CAMKMT: variants seen among roughly 807,000 people sequenced by gnomAD.
CAMKMT encodes the protein calmodulin-lysine N-methyltransferase.
Under a neutral mutation model 48.0 loss-of-function variants are expected in CAMKMT, and 53 were observed. The observed-to-expected ratio is 1.10, with a 90% CI of 0.89 to 1.39. CAMKMT has a LOEUF of 1.39. CAMKMT is among the 40% of genes most tolerant of loss of function. The pLI, the probability that CAMKMT is intolerant of heterozygous loss-of-function variation, is 0.00. For synonymous variants in CAMKMT, 165 were observed against 152.3 expected (o/e 1.08, Z -0.61); for missense variants, 428 against 402.7 (o/e 1.06, Z -0.54).
intron 3 of CAMKMT, among the ~76,000 whole-genome samples, chr2:44,457,873 G>C (rs1484305626): frequency 6.6e-6 from 1 of 152,088 alleles, no homozygotes; most frequent in Non-Finnish European, 1.5e-5. Context: ...CTCCATGGCT[G>C]CTTGGTGATG....
At chr2:44,472,748 G>A (rs937239911) in intron 3 of CAMKMT, among the ~76,000 whole-genome samples, 2 of 152,126 alleles carry the variant, frequency 1.3e-5, no homozygotes, top group Non-Finnish European at 2.9e-5. Flanking sequence ...CTGGAGTGTG[G>A]TTTTGAACAG....
intron 3 of CAMKMT, among the ~76,000 whole-genome samples, chr2:44,450,494 T>C (rs1667234698): frequency 6.6e-6 from 1 of 152,238 alleles, no homozygotes; most frequent in East Asian, 1.9e-4. Flanking sequence ...TTAAAAGGGG[T>C]TATGAAGCAT....
chr2:44,559,032 C>T (rs147456407), intron 3 of CAMKMT, among the ~76,000 whole-genome samples: 506 of 152,166 alleles, frequency 3.3e-3, no homozygotes, highest in African/African-American at 0.011. Context: ...ATCTGTCTAT[C>T]TAACTATCTA....
chr2:44,577,656 AGAGAGG>A (rs1454610487), intron 3 of CAMKMT, among the ~76,000 whole-genome samples: 1 of 142,052 alleles, frequency 7.0e-6, no homozygotes, highest in East Asian at 2.0e-4. Context: ...GGAGGGGGAG[AGAGAGG>A]GAGAGGGAGA....
intron 3 of CAMKMT, among the ~76,000 whole-genome samples, chr2:44,414,939 A>G (rs1018119090): frequency 1.3e-5 from 2 of 152,200 alleles, no homozygotes; most frequent in African/African-American, 4.8e-5. Flanking sequence ...GCGGATCACG[A>G]GGTCAAGAGA....
intron 3 of CAMKMT, among the ~76,000 whole-genome samples, chr2:44,697,896 A>G (rs944881818): frequency 6.6e-6 from 1 of 152,162 alleles, no homozygotes; most frequent in Non-Finnish European, 1.5e-5. Context: ...AATTACCAGA[A>G]GAGTTAGCTA....
At chr2:44,712,840 T>C (rs763994849) in intron 6 of CAMKMT, among the ~76,000 whole-genome samples, 3 of 152,070 alleles carry the variant, frequency 2.0e-5, no homozygotes, top group South Asian at 2.1e-4. Flanking sequence ...AATGATAAAA[T>C]CTATTATTGG....
intron 3 of CAMKMT, among the ~76,000 whole-genome samples, chr2:44,483,025 C>G (rs1216374557): frequency 6.6e-6 from 1 of 152,088 alleles, no homozygotes; most frequent in Non-Finnish European, 1.5e-5. Context: ...TGAGTGCTGT[C>G]CAATGGAATC....
chr2:44,594,758 A>T (rs1267956757), intron 3 of CAMKMT, among the ~76,000 whole-genome samples: 2 of 152,252 alleles, frequency 1.3e-5, no homozygotes, highest in East Asian at 3.8e-4. Context: ...ATGGGCAAAG[A>T]CTTTATGACT....
At chr2:44,768,361 A>ATTTTTTT (rs1553448674) in intron 10 of CAMKMT, among the ~76,000 whole-genome samples, 9 of 115,720 alleles carry the variant, frequency 7.8e-5, no homozygotes, top group African/African-American at 3.0e-4. Flanking sequence ...ATATATATAT[A>ATTTTTTT]TTTTTTTTTT....
intron 3 of CAMKMT, among the ~76,000 whole-genome samples, chr2:44,400,221 C>G (rs554933583): frequency 1.2e-4 from 18 of 152,012 alleles, no homozygotes; most frequent in Non-Finnish European, 2.2e-4. Context: ...GCCCTATAAA[C>G]TAATAGAAAC....
chr2:44,508,647 C>T (rs1169326406), intron 3 of CAMKMT, among the ~76,000 whole-genome samples: 1 of 152,014 alleles, frequency 6.6e-6, no homozygotes, highest in African/African-American at 2.4e-5. Flanking sequence ...GAAAGTTTGG[C>T]CTGGATAGAT....
At chr2:44,367,052 A>G (rs1250928287) in intron 1 of CAMKMT, among the ~76,000 whole-genome samples, 1 of 152,108 alleles carries the variant, frequency 6.6e-6, no homozygotes, top group Admixed American at 6.6e-5. Flanking sequence ...AACGGGAAAC[A>G]CTATAGCTTC....
At chr2:44,591,166 A>G (rs1288171216) in intron 3 of CAMKMT, among the ~76,000 whole-genome samples, 1 of 149,680 alleles carries the variant, frequency 6.7e-6, no homozygotes, top group African/African-American at 2.4e-5. Flanking sequence ...GCCTTGTAGT[A>G]TAGTTTGAAG....
intron 7 of CAMKMT, among the ~76,000 whole-genome samples, chr2:44,739,501 A>G (rs1427489649): frequency 6.6e-6 from 1 of 152,206 alleles, no homozygotes; most frequent in African/African-American, 2.4e-5. Context: ...TGGGAATTCA[A>G]ATTTGGACAT....
chr2:44,403,308 T>C (rs1682557051), intron 3 of CAMKMT, among the ~76,000 whole-genome samples: 1 of 152,116 alleles, frequency 6.6e-6, no homozygotes, highest in Non-Finnish European at 1.5e-5. Flanking sequence ...AATTAAAAAG[T>C]ATTTTACCTT....
intron 1 of CAMKMT, among the ~76,000 whole-genome samples, chr2:44,364,785 A>G (rs951102338): frequency 2.0e-5 from 3 of 152,190 alleles, no homozygotes; most frequent in East Asian, 1.9e-4. Context: ...GGGTATCTCT[A>G]TGATGCACAT....
At chr2:44,734,332 A>C (rs548574853) in intron 7 of CAMKMT, among the ~76,000 whole-genome samples, 4 of 152,082 alleles carry the variant, frequency 2.6e-5, no homozygotes, top group African/African-American at 9.6e-5. Context: ...GAAGTATATT[A>C]TTTATTTTCC....
At chr2:44,610,474 C>T (rs941694762) in intron 3 of CAMKMT, among the ~76,000 whole-genome samples, 2 of 152,096 alleles carry the variant, frequency 1.3e-5, no homozygotes, top group African/African-American at 4.8e-5. Flanking sequence ...TCTCCAAAAC[C>T]TCTAAGTTTC....
Sources: gnomAD v4.1 joint callset for allele counts (sites outside exome capture counted in the v4.1 genomes callset) on GRCh38, gnomAD v4.1.1 for gene constraint, MANE v1.5 for transcripts, NCBI Gene and HGNC (gene_info 2026-07-23, HGNC 2026-07-21) for gene names.